POPDC3: variants seen among roughly 807,000 people sequenced by gnomAD.
POPDC3 encodes the protein popeye domain cAMP effector 3, also known as popeye domain-containing protein 3.
In POPDC3, 20 loss-of-function variants were observed where a neutral mutation model predicts 28.2. The ratio of observed to expected loss-of-function variants is 0.71; its 90% CI spans 0.50 to 1.03. The LOEUF (loss-of-function observed/expected upper bound fraction) is 1.03, where lower values mean the gene tolerates loss of function less well. Among genes scored for constraint, POPDC3 ranks in the 50% least tolerant of loss-of-function variants. The probability of loss-of-function intolerance (pLI) is 0.00; values close to 1 mark genes in which losing one functional copy is unlikely to be tolerated. For synonymous variants in POPDC3, 118 were observed against 124.1 expected (o/e 0.95, Z 0.33); for missense variants, 316 against 345.9 (o/e 0.91, Z 0.69).
chr6:105,177,705 T>C (rs1311795126), intron 1 of POPDC3, among the ~76,000 whole-genome samples: 1 of 152,212 alleles, frequency 6.6e-6, no homozygotes, highest in East Asian at 1.9e-4. Flanking sequence ...GATTCTTCTG[T>C]AAGCTTAGCC....
At chr6:105,162,916 A>C (rs897450676) in intron 1 of POPDC3, among the ~76,000 whole-genome samples, 4 of 152,150 alleles carry the variant, frequency 2.6e-5, no homozygotes, top group African/African-American at 4.8e-5. Context: ...CACTCTTTAC[A>C]CATTAATTTG....
intron 1 of POPDC3, among the ~76,000 whole-genome samples, chr6:105,179,478 G>T (rs1436664367): frequency 6.6e-6 from 1 of 152,198 alleles, no homozygotes; most frequent in Non-Finnish European, 1.5e-5. Flanking sequence ...GCCAGAGTAG[G>T]ACCTGCAGGA....
Position 105,158,763 on chromosome 6 carries a change from A to G in POPDC3, c.595-12T>C. The G allele has an allele frequency of 6.3e-7, 1 of 1,592,992 alleles. No individual in the cohort carries two copies. The highest frequency in any genetic ancestry group is 1.3e-5 in the African/African-American group (1 of 74,406). ...GCAGTGAGGGTTACCTAAAAAACAC[A>G]AGACCACACATAAACAGATGTGGAA... is the stretch of plus-strand genomic sequence containing the variant. On this transcript the variant is annotated splice_polypyrimidine_tract_variant and intron_variant, in intron 3 of 3. Transcript: ENST00000254765.
chr6:105,165,847 C>T (rs1774444585), intron 1 of POPDC3, among the ~76,000 whole-genome samples: 1 of 152,182 alleles, frequency 6.6e-6, no homozygotes. Context: ...GGGATCAGCT[C>T]TCAACTTTGG....
intron 1 of POPDC3, among the ~76,000 whole-genome samples, chr6:105,173,900 A>C (rs1190932837): frequency 2.0e-5 from 3 of 152,178 alleles, no homozygotes; most frequent in Non-Finnish European, 1.5e-5. Flanking sequence ...TTATTCCAAT[A>C]GAAAGAACAG....
intron 1 of POPDC3, among the ~76,000 whole-genome samples, chr6:105,173,738 G>A (rs946639751): frequency 9.9e-5 from 15 of 151,956 alleles, no homozygotes; most frequent in African/African-American, 3.1e-4. Flanking sequence ...GAAGAAAACA[G>A]GAGAAATTAA....
At chr6:105,179,356 G>A (rs1036367800) in intron 1 of POPDC3, among the ~76,000 whole-genome samples, 14 of 152,238 alleles carry the variant, frequency 9.2e-5, no homozygotes, top group African/African-American at 3.4e-4. Flanking sequence ...GAGTAGGGGG[G>A]AAGGAAACTC....
chr6:105,178,724 G>T (rs1774727397), intron 1 of POPDC3: 3 of 984,836 alleles, frequency 3.0e-6, no homozygotes, highest in East Asian at 2.3e-4. Context: ...TCTGTCTCAT[G>T]TAGTTCTTGT....
At chr6:105,172,171 CA>C (rs36159220) in intron 1 of POPDC3, among the ~76,000 whole-genome samples, 135,532 of 150,752 alleles carry the variant, frequency 0.9, 61,867 homozygotes, top group Non-Finnish European at 0.95. Flanking sequence ...ACAATGAACT[CA>C]AAACAAATTT....
chr6:105,161,403 T>C (rs201022071), intron 2 of POPDC3, 22 bp downstream of exon 2: 3 of 1,597,096 alleles, frequency 1.9e-6, no homozygotes, highest in Non-Finnish European at 2.6e-6. Flanking sequence ...AGGAAAGACA[T>C]GCAAGCACCA....
intron 1 of POPDC3, among the ~76,000 whole-genome samples, chr6:105,172,366 T>C (rs1463945759): frequency 1.7e-4 from 25 of 151,140 alleles, no homozygotes; most frequent in Non-Finnish European, 1.5e-5. Context: ...ATGGCAATCA[T>C]TAAAAAGTCA....
chr6:105,159,613 TTCTTG>T, intron 3 of POPDC3, 93 bp downstream of exon 3: 1 of 690,772 alleles, frequency 1.4e-6, no homozygotes, highest in South Asian at 1.8e-5. Flanking sequence ...TCTTAAAATA[TTCTTG>T]TCTTATCCAC....
At position 105,161,993 on chromosome 6, in the gene POPDC3, G is replaced by T. The variant is rs1279391267; in HGVS notation, c.-84C>A. The T allele has an allele frequency of 4.0e-6, 6 of 1,518,162 alleles. No individual in the cohort carries two copies. In the African/African-American group the frequency reaches 8.4e-5, roughly 21 times the overall value. The allele number at this position is 1,518,162 out of a possible 1,614,324, so 94.0% of individuals were successfully genotyped here. On this transcript the variant is annotated 5_prime_UTR_variant, in exon 2 of 4. Coordinates refer to ENST00000254765, the MANE Select transcript of POPDC3 (RefSeq NM_022361.5). The stretch of plus-strand genomic sequence containing the variant: ...ACTAAGTCCTTTGGTTCTCCATCAT[G>T]AGAGTTTTGTGCAGTCTTCACAAAA...
rs1774324891 is a variant in POPDC3, at chr6:105,161,432, A to G, written c.478T>C (p.Ser160Pro). 2.5e-6 allele frequency: 4 copies of G among 1,611,924 alleles called. No homozygotes were observed. Among genetic ancestry groups the G allele is most frequent in the Non-Finnish European group, 3.4e-6 (4 of 1,178,826 alleles). ...TSIDKLSLLV[S>P]GRIRVTVDGE... ...AGCACCAAAGGTACAAACCTTCCTG[A>G]AACAAGCAAGGAGAGTTTATCAATG... The change falls in exon 2 of 4, where the codon TCA becomes CCA. Residue 160 changes from serine (S) to proline (P), a missense_variant. Ser to Pro is a moderately conservative substitution (Grantham distance 74). Transcript: ENST00000254765.
At chr6:105,171,545 C>T (rs1562156399) in intron 1 of POPDC3, among the ~76,000 whole-genome samples, 1 of 151,958 alleles carries the variant, frequency 6.6e-6, no homozygotes, top group Non-Finnish European at 1.5e-5. Flanking sequence ...GTGGCATGCA[C>T]CTGTATTCCC....
At chr6:105,176,204 A>T (rs1357704195) in intron 1 of POPDC3, among the ~76,000 whole-genome samples, 1 of 152,248 alleles carries the variant, frequency 6.6e-6, no homozygotes, top group African/African-American at 2.4e-5. Context: ...TGAGCAACAA[A>T]CAACTCACGA....
chr6:105,161,521 G>C lies in POPDC3; in HGVS notation c.389C>G (p.Ala130Gly). ...CAAAGTAACCACTTCAGAGCTCAAAGCAATCGTTCTGAAGACAGGCAAAGA... is the reference window on the plus strand; with the variant it reads ...CAAAGTAACCACTTCAGAGCTCAAACCAATCGTTCTGAAGACAGGCAAAGA... ...GISLPVFRTI[A>G]LSSEVVTLEK... Residue 130 changes from alanine (A) to glycine (G), a missense_variant, in exon 2 of 4, where the codon GCT becomes GGT. Coordinates refer to ENST00000254765, the MANE Select transcript of POPDC3 (RefSeq NM_022361.5). The C allele has an allele frequency of 6.2e-7, 1 of 1,614,154 alleles. No individual in the cohort carries two copies. Among genetic ancestry groups the C allele is most frequent in the Non-Finnish European group, 8.5e-7 (1 of 1,180,030 alleles).
At chr6:105,161,370 GA>G (rs1774322522) in intron 2 of POPDC3, 54 bp downstream of exon 2, 2 of 1,554,846 alleles carry the variant, frequency 1.3e-6, no homozygotes, top group Admixed American at 3.8e-5. Flanking sequence ...ATAGTGGAAA[GA>G]AACACAAACA....
At chr6:105,176,114 A>AT (rs1056777075) in intron 1 of POPDC3, among the ~76,000 whole-genome samples, 14 of 152,136 alleles carry the variant, frequency 9.2e-5, no homozygotes, top group Admixed American at 5.9e-4. Context: ...TTAAAATATA[A>AT]TTTTTTTATT....
Sources: allele counts gnomAD v4.1 joint callset (sites outside exome capture counted in the v4.1 genomes callset), GRCh38; gene constraint gnomAD v4.1.1; transcripts MANE v1.5; gene names NCBI Gene and HGNC (gene_info 2026-07-23, HGNC 2026-07-21).